The following KCNAB2 variants were observed in gnomAD, a reference collection of about 807,000 sequenced individuals.
The protein encoded by KCNAB2 is potassium voltage-gated channel subfamily A regulatory beta subunit 2, also known as voltage-gated potassium channel subunit beta-2.
Under a neutral mutation model 63.6 loss-of-function variants are expected in KCNAB2, and 29 were observed. That is an observed-to-expected ratio of 0.46 (90% confidence interval 0.34 to 0.62). The LOEUF (loss-of-function observed/expected upper bound fraction) is 0.62, where lower values mean the gene tolerates loss of function less well. Ranked by LOEUF, KCNAB2 falls within the 20% of genes least tolerant of loss-of-function variation. The pLI is 0.01. For missense variants in KCNAB2, 359 were observed against 563.9 expected, an observed-to-expected ratio of 0.64 and a Z score of 3.68; for synonymous variants, 222 against 224.2, an observed-to-expected ratio of 0.99 and a Z score of 0.09.
At chr1:6,088,228 CTCTCT>C (rs1188463641) in intron 7 of KCNAB2, among the ~76,000 whole-genome samples, 221 of 127,098 alleles carry the variant, frequency 1.7e-3, no homozygotes, top group African/African-American at 6.4e-3. Flanking sequence ...TTTTCTCTCT[CTCTCT>C]TTTTTTTTTT....
In KCNAB2 at chr1:6,011,487, AG is replaced by A. The variant is rs1658147437; in HGVS notation, c.-53+18701del. The stretch of plus-strand genomic sequence containing the variant: ...CACGTGTGCCCAGGGCCAGGTGTGC[AG>A]GAGGAGAGGCAGGCAGATGTGCAGG... On this transcript the variant is annotated intron_variant, in intron 1 of 16. Coordinates refer to the KCNAB2 transcript ENST00000341524. 2.6e-5 allele frequency among the ~76,000 whole-genome samples: 4 copies of A among 151,280 alleles called. 1 individual carries two copies. Among genetic ancestry groups the A allele is most frequent in the Admixed American group, 2.6e-4 (4 of 15,176 alleles).
chr1:6,026,685 T>C (rs1659208234), intron 1 of KCNAB2, among the ~76,000 whole-genome samples: 1 of 152,234 alleles, frequency 6.6e-6, no homozygotes, highest in Non-Finnish European at 1.5e-5. Context: ...TTGCTGCTGC[T>C]GGACAGAGTG....
rs926337160 is a variant in KCNAB2, at chr1:6,091,983, C to A, written c.646+676C>A. Among the ~76,000 whole-genome samples, 7 of 152,366 alleles carry A rather than the reference C, an allele frequency of 4.6e-5. No homozygotes were observed. In the East Asian group the frequency reaches 9.6e-4, roughly 21 times the overall value. ...CCACGCACAGTCTCTCTGCCCTCCC[C>A]ACAGCTAACGGCCCCAGGACCCCAC... On this transcript the variant is annotated intron_variant, in intron 10 of 15. Coordinates refer to ENST00000378083, the MANE Select transcript of KCNAB2 (RefSeq NM_001199862.2).
At chr1:6,084,624 T>C (rs909245621) in intron 5 of KCNAB2, among the ~76,000 whole-genome samples, 8 of 152,166 alleles carry the variant, frequency 5.3e-5, no homozygotes, top group Admixed American at 1.3e-4. Context: ...GAGACCAGCC[T>C]GGCCAACATA....
At chr1:6,005,953 C>CT (rs1657662545) in intron 1 of KCNAB2, among the ~76,000 whole-genome samples, 1 of 36,268 alleles carries the variant, frequency 2.8e-5, no homozygotes. Flanking sequence ...CTCAGCTCAG[C>CT]TCCTACATTT....
chr1:6,009,875 T>TTG (rs1658052338), intron 1 of KCNAB2, among the ~76,000 whole-genome samples: 1 of 52,048 alleles, frequency 1.9e-5, no homozygotes, highest in Non-Finnish European at 5.0e-5. Flanking sequence ...CTTTTTTTCT[T>TTG]TTTTTTTTTT....
intron 1 of KCNAB2, among the ~76,000 whole-genome samples, chr1:6,027,647 T>A (rs544657931): frequency 6.6e-6 from 1 of 152,258 alleles, no homozygotes; most frequent in Non-Finnish European, 1.5e-5. Flanking sequence ...GGAACAGGCA[T>A]TGAACGTTGC....
At chr1:6,079,521 A>C (rs796419235) in intron 4 of KCNAB2, among the ~76,000 whole-genome samples, 1 of 83,240 alleles carries the variant, frequency 1.2e-5, no homozygotes, top group African/African-American at 3.6e-5. Context: ...TCCATCTCCC[A>C]AAAAAAAAAA....
chr1:6,098,394 C>T (rs1055023948), intron 15 of KCNAB2, 91 bp from the exon 16 acceptor site: 17 of 1,562,060 alleles, frequency 1.1e-5, no homozygotes, highest in African/African-American at 2.7e-5. Flanking sequence ...CCTGGCCAGC[C>T]GACCATCTGG....
chr1:6,021,558 A>G (rs375530676), intron 1 of KCNAB2, among the ~76,000 whole-genome samples: 4 of 150,750 alleles, frequency 2.7e-5, no homozygotes, highest in South Asian at 2.1e-4. Context: ...GGTATTGAGT[A>G]TACAGTTCAG....
chr1:6,070,532 AAGG>A (rs1663102953), intron 2 of KCNAB2, among the ~76,000 whole-genome samples: 1 of 152,208 alleles, frequency 6.6e-6, no homozygotes, highest in Non-Finnish European at 1.5e-5. Flanking sequence ...ACTGATGTAT[AAGG>A]AGGAAAAAGG....
intron 1 of KCNAB2, among the ~76,000 whole-genome samples, chr1:6,023,682 T>C (rs963906342): frequency 6.6e-6 from 1 of 152,238 alleles, no homozygotes; most frequent in African/African-American, 2.4e-5. Context: ...CTATGTATTC[T>C]GGATATTAAT....
At position 6,071,702 on chromosome 1, in the gene KCNAB2, G is replaced by A. The variant is rs914919350; in HGVS notation, c.219-1053G>A. 2.6e-5 allele frequency among the ~76,000 whole-genome samples: 4 copies of A among 151,820 alleles called. No individual in the cohort carries two copies. The highest frequency in any genetic ancestry group is 4.4e-5 in the Non-Finnish European group (3 of 67,896). On this transcript the variant is annotated intron_variant, in intron 2 of 15. Coordinates refer to ENST00000378083, the MANE Select transcript of KCNAB2 (RefSeq NM_001199862.2). This position sits in a 1 kb window ranked among gnomAD's most constrained non-coding sequence, Gnocchi z 8.5. ...GGCTCTGCTGCGTAGGACTCCTGCC[G>A]CCGCATAGGGCTCTGCTGCGTAGGA... is the stretch of plus-strand genomic sequence containing the variant.
intron 6 of KCNAB2, chr1:6,085,657 G>A (rs1053010160): frequency 8.9e-6 from 2 of 224,166 alleles, no homozygotes; most frequent in Admixed American, 1.1e-4. Flanking sequence ...CTTAGGGTCA[G>A]GGGAGCCAGG....
rs114686665 is a variant in KCNAB2, at chr1:6,004,108, C to T, written c.-53+11320C>T. Among the ~76,000 whole-genome samples the T allele has an allele frequency of 4.5e-3, 689 of 152,282 alleles. 5 individuals carry two copies. Among genetic ancestry groups the T allele is most frequent in the African/African-American group, 0.015 (640 of 41,560 alleles). The stretch of plus-strand genomic sequence containing the variant: ...GAGAGGGCTGCAGACATTTCAGCCT[C>T]GAGGTTGGAGCAGAAGCAGGGCTGG... On this transcript the variant is annotated intron_variant, in intron 1 of 16. Transcript: ENST00000341524.
At chr1:6,091,112 C>T (rs1181079970) in intron 9 of KCNAB2, 151 bp from the exon 10 acceptor site, 5 of 683,900 alleles carry the variant, frequency 7.3e-6, no homozygotes, top group South Asian at 3.1e-5. Flanking sequence ...ACAGCACGCA[C>T]GTGCGTGTGT....
At chr1:6,034,028 G>T (rs7552747), upstream of KCNAB2, among the ~76,000 whole-genome samples, 66,560 of 152,036 alleles carry the variant, frequency 0.44, 14,798 homozygotes, top group East Asian at 0.56. Flanking sequence ...CTGGTGTGTT[G>T]GTTTCTGAAG....
intron 1 of KCNAB2, among the ~76,000 whole-genome samples, chr1:5,999,655 G>A (rs145971829): frequency 3.3e-5 from 5 of 152,272 alleles, no homozygotes; most frequent in Admixed American, 6.5e-5. Flanking sequence ...CTCTTGGAAT[G>A]TGGTTTGGTT....
chr1:6,066,088 G>A (rs960342191), intron 2 of KCNAB2, among the ~76,000 whole-genome samples: 6 of 152,176 alleles, frequency 3.9e-5, no homozygotes, highest in African/African-American at 1.2e-4. Context: ...TCGTTTGCTC[G>A]GAGCACAGCC....
Sources: allele counts gnomAD v4.1 joint callset (sites outside exome capture counted in the v4.1 genomes callset), GRCh38; gene constraint gnomAD v4.1.1; non-coding constraint Gnocchi (gnomAD v3.1); transcripts MANE v1.5; gene names NCBI Gene and HGNC (gene_info 2026-07-23, HGNC 2026-07-21).